Variants in TIMD4 observed in about 807,000 individuals in gnomAD.
TIMD4 encodes T-cell immunoglobulin and mucin domain-containing protein 4.
In TIMD4, 31 loss-of-function variants were observed where a neutral mutation model predicts 41.2. The ratio of observed to expected loss-of-function variants is 0.75; its 90% confidence interval spans 0.57 to 1.01. The LOEUF is 1.01. TIMD4 is among the 50% of genes least tolerant of loss of function. The probability of loss-of-function intolerance (pLI) is 0.00; values close to 1 mark genes in which losing one functional copy is unlikely to be tolerated. For synonymous variants in TIMD4, 204 were observed against 177.1 expected, an observed-to-expected ratio of 1.15 and a Z score of -1.21; for missense variants, 479 against 472.5, an observed-to-expected ratio of 1.01 and a Z score of -0.13.
chr5:156,945,550 G>A (rs193281047), intron 5 of TIMD4, among the ~76,000 whole-genome samples: 29 of 152,106 alleles, frequency 1.9e-4, no homozygotes, highest in Admixed American at 5.9e-4. Flanking sequence ...GTAAATCCTC[G>A]GTGGATGTTA....
In TIMD4 at chr5:156,954,502, T is replaced by A. The variant is rs1759929582; in HGVS notation, c.313A>T (p.Ser105Cys). Residue 105 changes from serine to cysteine, a missense_variant, in exon 2 of 9, where the codon AGT becomes TGT. Coordinates refer to ENST00000274532, the MANE Select transcript of TIMD4 (RefSeq NM_138379.3). ...CGGCAGCAGTACACACCGCTGTCAC[T>A]TTCACTGGGGTTTAAGATGGTCAAG... ...VSLTILNPSE[S>C]DSGVYCCRIE... is the part of the protein sequence containing the mutation. 1 of 1,614,134 alleles carries A rather than the reference T, an allele frequency of 6.2e-7. No homozygotes were observed. Among genetic ancestry groups the A allele is most frequent in the South Asian group, 1.1e-5 (1 of 91,090 alleles).
chr5:156,938,593 C>T (rs971982223), intron 5 of TIMD4, among the ~76,000 whole-genome samples: 9 of 152,196 alleles, frequency 5.9e-5, no homozygotes, highest in African/African-American at 2.2e-4. Flanking sequence ...TCTCTCTTAT[C>T]TCCACGTCTA....
chr5:156,944,705 C>CTGTGTTAGCCAGGAGGGT (rs2113373294), intron 5 of TIMD4, among the ~76,000 whole-genome samples: 1 of 152,182 alleles, frequency 6.6e-6, no homozygotes, highest in African/African-American at 2.4e-5. Context: ...CGGGGTTTCA[C>CTGTGTTAGCCAGGAGGGT]TGTGTTAGCC....
intron 1 of TIMD4, among the ~76,000 whole-genome samples, chr5:156,958,698 G>C (rs1002751517): frequency 6.6e-6 from 1 of 152,144 alleles, no homozygotes; most frequent in Non-Finnish European, 1.5e-5. Flanking sequence ...GCAATTTCAC[G>C]TTTGTTATCC....
At chr5:156,955,947 C>T (rs1382563821) in intron 1 of TIMD4, among the ~76,000 whole-genome samples, 2 of 152,112 alleles carry the variant, frequency 1.3e-5, no homozygotes, top group Non-Finnish European at 2.9e-5. Flanking sequence ...TTAACATATC[C>T]ATCGCCTTAC....
In TIMD4 at chr5:156,951,542, G is replaced by A. The variant is rs769490222; in HGVS notation, c.649C>T (p.Pro217Ser). 3.7e-6 allele frequency: 6 copies of A among 1,614,174 alleles called. No individual in the cohort carries two copies. The highest frequency in any genetic ancestry group is 1.7e-5 in the Admixed American group (1 of 60,028). Reference sequence around the variant, plus strand: ...GTGAGGATGGGCCCTTCCTTAGAAGGCTCGGGAGTCAGAAGACCTGTGGCT... The same window carrying A: ...GTGAGGATGGGCCCTTCCTTAGAAGACTCGGGAGTCAGAAGACCTGTGGCT... ...EEATGLLTPE[P>S]SKEGPILTAE... Residue 217 changes from proline to serine, a missense_variant, in exon 3 of 9, where the codon CCT (proline) becomes TCT (serine). By Grantham distance (74) the Pro-to-Ser change is moderately conservative (BLOSUM62 -1). Coordinates refer to ENST00000274532, the MANE Select transcript of TIMD4 (RefSeq NM_138379.3).
rs185298060 is a variant in TIMD4, at chr5:156,959,911, C to T, written c.58+3230G>A. Among the ~76,000 whole-genome samples the T allele has an allele frequency of 2.1e-4, 32 of 152,000 alleles. No homozygotes were observed. The East Asian group carries it at 4.5e-3, about 21-fold the overall frequency. ...ACAAAAAATTAGCCAGCTGTGGTGG[C>T]GGGCGCCTGCAATCTCAGCTACTTG... On this transcript the variant is annotated intron_variant, in intron 1 of 8. Coordinates refer to ENST00000274532, the MANE Select transcript of TIMD4 (RefSeq NM_138379.3).
intron 5 of TIMD4, among the ~76,000 whole-genome samples, chr5:156,941,390 A>G (rs909489712): frequency 6.6e-6 from 1 of 152,224 alleles, no homozygotes; most frequent in African/African-American, 2.4e-5. Context: ...TCGATCATAC[A>G]AGCCCCTTAA....
At chr5:156,950,632 C>A (rs951623114) in intron 3 of TIMD4, among the ~76,000 whole-genome samples, 3 of 152,118 alleles carry the variant, frequency 2.0e-5, no homozygotes, top group African/African-American at 7.2e-5. Context: ...GACAAGCCCC[C>A]CTAAGCAATG....
chr5:156,923,084 G>A (rs1157870662), intron 6 of TIMD4, among the ~76,000 whole-genome samples: 3 of 150,680 alleles, frequency 2.0e-5, no homozygotes, highest in Non-Finnish European at 4.4e-5. Flanking sequence ...TAAAAAATGA[G>A]ATGGTGTCTC....
intron 1 of TIMD4, among the ~76,000 whole-genome samples, chr5:156,962,574 G>A (rs1172021482): frequency 1.3e-5 from 2 of 152,214 alleles, no homozygotes; most frequent in East Asian, 3.9e-4. Context: ...GTTAGTGCCC[G>A]AGACGCAGCT....
intron 5 of TIMD4, among the ~76,000 whole-genome samples, chr5:156,944,495 C>CTTTTT (rs5872492): frequency 2.9e-5 from 2 of 69,096 alleles, no homozygotes; most frequent in Non-Finnish European, 2.5e-5. Flanking sequence ...GCTGTGTGAT[C>CTTTTT]TTTTTTTTTT....
chr5:156,941,271 G>A (rs1179247158), intron 5 of TIMD4, among the ~76,000 whole-genome samples: 1 of 151,922 alleles, frequency 6.6e-6, no homozygotes, highest in East Asian at 1.9e-4. Context: ...CTATGACCCT[G>A]CCAAATCCCC....
intron 2 of TIMD4, 47 bp downstream of exon 2, chr5:156,954,368 C>T: frequency 6.4e-7 from 1 of 1,553,562 alleles, no homozygotes. Flanking sequence ...TGTCCATTAA[C>T]CACTGAATCT....
chr5:156,961,971 G>T (rs1403763180), intron 1 of TIMD4, among the ~76,000 whole-genome samples: 1 of 151,974 alleles, frequency 6.6e-6, no homozygotes, highest in Non-Finnish European at 1.5e-5. Flanking sequence ...GTTAAGCTAG[G>T]CACAGAAAGA....
chr5:156,936,141 C>A lies in TIMD4; in HGVS notation c.845-9829G>T, dbSNP rs182807105. Among the ~76,000 whole-genome samples, 460 of 152,058 alleles carry A rather than the reference C, an allele frequency of 3.0e-3. 1 individual carries two copies. The highest frequency in any genetic ancestry group is 0.011 in the African/African-American group (442 of 41,492). ...GTAGTCCCAGCTACTCAGGAGGCTG[C>A]GGCAGGAGGATCGCTTGAGCCCAAG... On this transcript the variant is annotated intron_variant, in intron 5 of 8. Coordinates refer to ENST00000274532, the MANE Select transcript of TIMD4 (RefSeq NM_138379.3).
chr5:156,929,581 T>C (rs1373902553), intron 5 of TIMD4, among the ~76,000 whole-genome samples: 1 of 151,640 alleles, frequency 6.6e-6, no homozygotes, highest in Non-Finnish European at 1.5e-5. Context: ...GAGATGGGAG[T>C]GATGCTGTCA....
rs148773770 is a variant in TIMD4, at chr5:156,939,645, T to A, written c.844+8771A>T. ...TCTCACACACAAACTTAACTCTTCCTCATGGAGCTGCTTTACCAGTTAACC... is the reference window on the plus strand; with the variant it reads ...TCTCACACACAAACTTAACTCTTCCACATGGAGCTGCTTTACCAGTTAACC... On this transcript the variant is annotated intron_variant, in intron 5 of 8. Coordinates refer to ENST00000274532, the MANE Select transcript of TIMD4 (RefSeq NM_138379.3). 3.3e-4 allele frequency among the ~76,000 whole-genome samples: 51 copies of A among 152,308 alleles called. 1 individual carries two copies. The highest frequency in any genetic ancestry group is 1.2e-3 in the African/African-American group (48 of 41,568).
chr5:156,951,653 C>A lies in TIMD4; in HGVS notation c.538G>T (p.Gly180Ter). ...ATGGTTGTCATCTGGAGTGGTGTTC[C>A]GGTTGTGAGATCGGGTGTGGTCACG... ...TVVTTPDLTT[G>*]TPLQMTTIAV... The change falls in exon 3 of 9, where the codon GGA (glycine) becomes TGA (stop). Residue 180 changes from glycine (G) to a stop codon, truncating the protein, a stop_gained. Transcript: ENST00000274532. LOFTEE classifies it high-confidence loss of function. 6.2e-7 allele frequency: 1 copy of A among 1,613,986 alleles called. No individual in the cohort carries two copies. Among genetic ancestry groups the A allele is most frequent in the South Asian group, 1.1e-5 (1 of 91,062 alleles).
Sources: gnomAD v4.1 joint callset for allele counts (sites outside exome capture counted in the v4.1 genomes callset) on GRCh38, gnomAD v4.1.1 for gene constraint, MANE v1.5 for transcripts, NCBI Gene and HGNC (gene_info 2026-07-23, HGNC 2026-07-21) for gene names.